Variants in ANKRD44 observed in about 807,000 individuals in gnomAD.
The protein encoded by ANKRD44 is ankyrin repeat domain 44.
ANKRD44 carries 35 observed loss-of-function variants against 116.0 expected under a neutral mutation model. The ratio of observed to expected loss-of-function variants is 0.30; its 90% CI spans 0.23 to 0.40. ANKRD44 has a LOEUF of 0.40. ANKRD44 is among the 10% of genes least tolerant of loss of function. ANKRD44 has a pLI of 1.00. For missense variants in ANKRD44, 1,014 were observed against 1,242.6 expected (o/e 0.82, Z 2.77); for synonymous variants, 435 against 461.8 (o/e 0.94, Z 0.74).
rs759455009 is a variant in ANKRD44, at chr2:197,203,558, A to G, written c.28-16452T>C. Among the ~76,000 whole-genome samples, 35 of 152,218 alleles carry G rather than the reference A, an allele frequency of 2.3e-4. No homozygotes were observed. Among genetic ancestry groups the G allele is most frequent in the Non-Finnish European group, 4.8e-4 (33 of 68,044 alleles). ...TATTTAGCTTGGTAGTTCCTCAATA[A>G]GTTAAACATGGAATTACCATATAAT... On this transcript the variant is annotated intron_variant, in intron 1 of 27. Coordinates refer to ENST00000282272, the MANE Select transcript of ANKRD44 (RefSeq NM_001195144.2). The surrounding 1 kb of genome is among the most constrained non-coding windows in gnomAD (Gnocchi z 4.1).
intron 16 of ANKRD44, among the ~76,000 whole-genome samples, chr2:197,027,286 C>G (rs554293058): frequency 6.6e-6 from 1 of 152,118 alleles, no homozygotes; most frequent in East Asian, 1.9e-4. Flanking sequence ...GGCTTTAGCC[C>G]GGGAGGTGGA....
At chr2:197,282,878 A>G (rs1343838972) in intron 1 of ANKRD44, among the ~76,000 whole-genome samples, 1 of 152,158 alleles carries the variant, frequency 6.6e-6, no homozygotes, top group Non-Finnish European at 1.5e-5. Flanking sequence ...GGATCATTTG[A>G]ATCCGGGAGG....
intron 16 of ANKRD44, among the ~76,000 whole-genome samples, chr2:197,073,604 T>C (rs769243688): frequency 6.6e-5 from 10 of 152,192 alleles, no homozygotes; most frequent in Non-Finnish European, 1.3e-4. Context: ...GCTCCCTAAA[T>C]TGTGTGGGAC....
intron 1 of ANKRD44, among the ~76,000 whole-genome samples, chr2:197,298,167 A>G (rs1003850282): frequency 5.3e-5 from 8 of 152,258 alleles, no homozygotes; most frequent in African/African-American, 1.7e-4. Context: ...GCCCATTAGA[A>G]TTGAGACCTT....
At chr2:197,005,173 T>C (rs1440194496) in intron 21 of ANKRD44, among the ~76,000 whole-genome samples, 2 of 152,174 alleles carry the variant, frequency 1.3e-5, no homozygotes, top group African/African-American at 4.8e-5. Context: ...ACTTTGGAAT[T>C]GGTATAATTA....
chr2:197,037,621 T>G (rs2124931233), intron 16 of ANKRD44, among the ~76,000 whole-genome samples: 1 of 152,314 alleles, frequency 6.6e-6, no homozygotes, highest in East Asian at 1.9e-4. Context: ...TATTTTATAT[T>G]TTGGATAGAT....
At chr2:197,283,017 C>T (rs1336706942) in intron 1 of ANKRD44, among the ~76,000 whole-genome samples, 2 of 152,102 alleles carry the variant, frequency 1.3e-5, no homozygotes, top group African/African-American at 4.8e-5. Flanking sequence ...TTTTAAATTC[C>T]TTTAGAAGAG....
intron 1 of ANKRD44, among the ~76,000 whole-genome samples, chr2:197,274,692 ATCT>A: frequency 6.6e-6 from 1 of 152,234 alleles, no homozygotes; most frequent in East Asian, 1.9e-4. Flanking sequence ...CCATCTTAGC[ATCT>A]TCTTCTAGAG....
At chr2:197,028,459 G>A (rs1384783669) in intron 16 of ANKRD44, among the ~76,000 whole-genome samples, 1 of 152,284 alleles carries the variant, frequency 6.6e-6, no homozygotes, top group East Asian at 1.9e-4. Context: ...CTCGATATGT[G>A]CTATGATGGT....
At chr2:197,156,782 GAT>G (rs1203812113) in intron 2 of ANKRD44, among the ~76,000 whole-genome samples, 2 of 152,142 alleles carry the variant, frequency 1.3e-5, no homozygotes, top group Non-Finnish European at 2.9e-5. Context: ...ATGAACTATG[GAT>G]ATATGTCACA....
At chr2:197,270,411 CCA>C (rs2082865219) in intron 1 of ANKRD44, among the ~76,000 whole-genome samples, 1 of 152,034 alleles carries the variant, frequency 6.6e-6, no homozygotes, top group Admixed American at 6.6e-5. Context: ...AGAATAATCC[CCA>C]CAGTTTCCAG....
At position 197,272,427 on chromosome 2, in the gene ANKRD44, A is replaced by G. The variant is rs561593959; in HGVS notation, c.27+38151T>C. ...TAATTTTTGTACTTTTAGTAGAGAT[A>G]GGGTTTCACCATGTTGGTCAGGCTG... On this transcript the variant is annotated intron_variant, in intron 1 of 27. Transcript: ENST00000282272. Among the ~76,000 whole-genome samples the G allele has an allele frequency of 9.9e-4, 150 of 152,136 alleles. 2 individuals are homozygous for G. The South Asian group carries it at 0.025, about 26-fold the overall frequency.
At chr2:197,180,838 T>C (rs1392867370) in intron 2 of ANKRD44, among the ~76,000 whole-genome samples, 1 of 152,212 alleles carries the variant, frequency 6.6e-6, no homozygotes, top group Non-Finnish European at 1.5e-5. Flanking sequence ...TTTTAAAATA[T>C]ACTCTATTTT....
chr2:197,069,780 C>T (rs1029099898), intron 16 of ANKRD44, among the ~76,000 whole-genome samples: 4 of 151,956 alleles, frequency 2.6e-5, no homozygotes, highest in Admixed American at 6.6e-5. Context: ...ATCTTTCATT[C>T]GTCTATGAAA....
chr2:197,177,826 A>G (rs185557059), intron 2 of ANKRD44, among the ~76,000 whole-genome samples: 66 of 152,340 alleles, frequency 4.3e-4, no homozygotes, highest in South Asian at 6.2e-4. Context: ...ACTCAAAAAT[A>G]TATCTTGAAG....
At chr2:197,228,842 C>G (rs1401118729) in intron 1 of ANKRD44, among the ~76,000 whole-genome samples, 1 of 152,206 alleles carries the variant, frequency 6.6e-6, no homozygotes, top group Non-Finnish European at 1.5e-5. Context: ...TTGAGATCAG[C>G]TTGACCAACA....
intron 1 of ANKRD44, among the ~76,000 whole-genome samples, chr2:197,240,070 A>AAT (rs760145182): frequency 2.2e-4 from 33 of 152,020 alleles, no homozygotes; most frequent in East Asian, 9.6e-4. Flanking sequence ...TCTAGATATA[A>AAT]ATATATATAT....
chr2:197,071,453 A>G (rs565258370), intron 16 of ANKRD44, among the ~76,000 whole-genome samples: 3 of 152,282 alleles, frequency 2.0e-5, no homozygotes, highest in South Asian at 2.1e-4. Flanking sequence ...CTTTTAACTC[A>G]TGAATTATTT....
rs111326163 is a variant in ANKRD44, at chr2:197,099,613, T to C, written c.1100+203A>G. On this transcript the variant is annotated intron_variant, in intron 10 of 27. Transcript: ENST00000282272. ...ACCACTGAAATAGACCTCATTTGGA[T>C]GAAGCTAAAAAATAAAATTGGTTCT... is the stretch of plus-strand genomic sequence containing the variant. The C allele has an allele frequency of 5.5e-6, 7 of 1,280,122 alleles. No homozygotes were observed. In the African/African-American group the frequency reaches 6.0e-5, roughly 11 times the overall value. 79.3% of individuals were successfully genotyped at this position (1,280,122 alleles called of 1,614,324 possible).
Sources: gnomAD v4.1 joint callset for allele counts (sites outside exome capture counted in the v4.1 genomes callset) on GRCh38, gnomAD v4.1.1 for gene constraint, Gnocchi (gnomAD v3.1) non-coding constraint, MANE v1.5 for transcripts, NCBI Gene and HGNC (gene_info 2026-07-23, HGNC 2026-07-21) for gene names.